The following DTNB variants were observed in gnomAD, a reference collection of about 807,000 sequenced individuals.
DTNB encodes dystrobrevin beta.
A neutral mutation model predicts 90.7 loss-of-function variants in DTNB; 63 were observed. That is an observed-to-expected ratio of 0.69 (90% CI 0.57 to 0.86). The LOEUF (loss-of-function observed/expected upper bound fraction) is 0.86, where lower values mean the gene tolerates loss of function less well. Among genes scored for constraint, DTNB ranks in the 40% least tolerant of loss-of-function variants. The probability of loss-of-function intolerance (pLI) is 0.00; values close to 1 mark genes in which losing one functional copy is unlikely to be tolerated. For synonymous variants in DTNB, 277 were observed against 286.7 expected (o/e 0.97, Z 0.34); for missense variants, 744 against 807.1 (o/e 0.92, Z 0.95).
chr2:25,631,486 T>C (rs531558026), intron 3 of DTNB, among the ~76,000 whole-genome samples: 53 of 151,760 alleles, frequency 3.5e-4, no homozygotes, highest in African/African-American at 6.3e-4. Flanking sequence ...AGCAGGAGGA[T>C]TGCCTAAGCC....
chr2:25,456,675 C>A (rs545996526), intron 10 of DTNB, among the ~76,000 whole-genome samples: 2 of 152,112 alleles, frequency 1.3e-5, no homozygotes, highest in African/African-American at 4.8e-5. Flanking sequence ...TGGGTTCAAG[C>A]GATTCTCCTG....
At chr2:25,660,655 A>G (rs2082980958) in intron 1 of DTNB, among the ~76,000 whole-genome samples, 1 of 152,204 alleles carries the variant, frequency 6.6e-6, no homozygotes, top group Non-Finnish European at 1.5e-5. Context: ...CGTTTTCACT[A>G]AATATTATAT....
chr2:25,455,718 G>A (rs2059924961), intron 10 of DTNB, among the ~76,000 whole-genome samples: 1 of 152,198 alleles, frequency 6.6e-6, no homozygotes, highest in Non-Finnish European at 1.5e-5. Flanking sequence ...CAGGAGTGGC[G>A]CTGGCCCACT....
chr2:25,544,492 T>C (rs1315870375), intron 8 of DTNB, among the ~76,000 whole-genome samples: 1 of 152,144 alleles, frequency 6.6e-6, no homozygotes, highest in Non-Finnish European at 1.5e-5. Flanking sequence ...CCTGTCATTT[T>C]CACTTCCAAT....
At chr2:25,535,358 G>C (rs1164746440) in intron 8 of DTNB, among the ~76,000 whole-genome samples, 1 of 142,650 alleles carries the variant, frequency 7.0e-6, no homozygotes, top group African/African-American at 2.7e-5. Flanking sequence ...GGGCAGAGGC[G>C]CTCCTCACTT....
At chr2:25,481,850 C>G (rs957441170) in intron 10 of DTNB, 1 of 152,170 alleles carries the variant, frequency 6.6e-6, no homozygotes, top group Non-Finnish European at 1.5e-5. Flanking sequence ...ACAAGTGACC[C>G]AGGTGATTCT....
intron 10 of DTNB, among the ~76,000 whole-genome samples, chr2:25,457,687 A>G (rs1351790536): frequency 6.6e-6 from 1 of 152,146 alleles, no homozygotes; most frequent in African/African-American, 2.4e-5. Flanking sequence ...TCATCACTCT[A>G]GTACACGGAC....
chr2:25,540,543 A>C (rs1341769943), intron 8 of DTNB, among the ~76,000 whole-genome samples: 1 of 152,086 alleles, frequency 6.6e-6, no homozygotes, highest in East Asian at 1.9e-4. Flanking sequence ...ACGCTCAATC[A>C]TTTAAAAATG....
intron 9 of DTNB, among the ~76,000 whole-genome samples, chr2:25,508,553 A>T (rs2073106478): frequency 1.8e-3 from 124 of 70,216 alleles, no homozygotes; most frequent in African/African-American, 5.2e-3. Flanking sequence ...TATTTTTTTG[A>T]GATGGAGTTT....
chr2:25,548,689 G>C (rs1213017866), intron 8 of DTNB, among the ~76,000 whole-genome samples: 1 of 152,168 alleles, frequency 6.6e-6, no homozygotes. Flanking sequence ...AGGTGGGCTA[G>C]TGCCTTCTAT....
At chr2:25,461,627 A>G (rs1490905783) in intron 10 of DTNB, among the ~76,000 whole-genome samples, 1 of 152,194 alleles carries the variant, frequency 6.6e-6, no homozygotes, top group Non-Finnish European at 1.5e-5. Flanking sequence ...CAATAGTTCT[A>G]ACAGCATTAC....
rs903186472 is a variant in DTNB at position 25,387,910 on chromosome 2, C to G, written c.1735+292G>C. 1.3e-5 allele frequency among the ~76,000 whole-genome samples: 2 copies of G among 152,234 alleles called. No individual in the cohort carries two copies. Among genetic ancestry groups the G allele is most frequent in the Non-Finnish European group, 2.9e-5 (2 of 68,046 alleles). On this transcript the variant is annotated intron_variant, in intron 17 of 20. Transcript: ENST00000406818. This position sits in a 1 kb window ranked among gnomAD's most constrained non-coding sequence, Gnocchi z 4.5. The stretch of plus-strand genomic sequence containing the variant: ...GCCAGGGAATTATTCCATCCAATTC[C>G]TCTGGAGGAGACAAAGCCCAAAGGA...
intron 8 of DTNB, among the ~76,000 whole-genome samples, chr2:25,574,420 T>C (rs2148107073): frequency 6.6e-6 from 1 of 152,330 alleles, no homozygotes; most frequent in East Asian, 1.9e-4. Context: ...AAGAATGAAT[T>C]ATACTGCATA....
chr2:25,664,382 C>T (rs1244177350), intron 1 of DTNB, among the ~76,000 whole-genome samples: 1 of 152,180 alleles, frequency 6.6e-6, no homozygotes, highest in Non-Finnish European at 1.5e-5. Context: ...GTCTATTTAG[C>T]AAAGTTCATT....
At chr2:25,670,288 CAT>C (rs1188724569) in intron 1 of DTNB, among the ~76,000 whole-genome samples, 3 of 152,146 alleles carry the variant, frequency 2.0e-5, no homozygotes, top group African/African-American at 7.2e-5. Context: ...CATGAAAATA[CAT>C]AGAGAATAGC....
chr2:25,456,976 G>T lies in DTNB; in HGVS notation c.1080-1482C>A, dbSNP rs138012709. ...ACCATTAGACCTTATTAGCTTTCCTGCTTTCTAGCACAATAAAATGCTCTA... is the reference window on the plus strand; with the variant it reads ...ACCATTAGACCTTATTAGCTTTCCTTCTTTCTAGCACAATAAAATGCTCTA... On this transcript the variant is annotated intron_variant, in intron 10 of 20. Transcript: ENST00000406818. Among the ~76,000 whole-genome samples the T allele has an allele frequency of 2.3e-3, 351 of 151,892 alleles. 3 individuals carry two copies. Among genetic ancestry groups the T allele is most frequent in the Non-Finnish European group, 1.0e-3 (69 of 67,896 alleles).
chr2:25,399,872 C>T (rs1321517779), intron 16 of DTNB, among the ~76,000 whole-genome samples: 5 of 78,760 alleles, frequency 6.3e-5, no homozygotes, highest in African/African-American at 4.2e-4. Context: ...CTATGATCTT[C>T]GCTAAGTTAA....
chr2:25,615,958 C>G (rs564068014), intron 4 of DTNB, among the ~76,000 whole-genome samples: 5 of 152,278 alleles, frequency 3.3e-5, no homozygotes, highest in Admixed American at 1.3e-4. Flanking sequence ...GAGCTGAGAA[C>G]CACCAACATA....
intron 11 of DTNB, among the ~76,000 whole-genome samples, chr2:25,453,442 G>C (rs1003523612): frequency 1.3e-5 from 2 of 152,178 alleles, no homozygotes; most frequent in African/African-American, 4.8e-5. Flanking sequence ...CAGCTTCTTA[G>C]ATTACTAATC....
Sources: allele counts gnomAD v4.1 joint callset (sites outside exome capture counted in the v4.1 genomes callset), GRCh38; gene constraint gnomAD v4.1.1; non-coding constraint Gnocchi (gnomAD v3.1); transcripts MANE v1.5; gene names NCBI Gene and HGNC (gene_info 2026-07-23, HGNC 2026-07-21).